The following BAIAP3 variants were observed in gnomAD, a reference collection of about 807,000 sequenced individuals.
BAIAP3 encodes BAI1 associated protein 3.
Under a neutral mutation model 149.7 loss-of-function variants are expected in BAIAP3, and 180 were observed. The ratio of observed to expected loss-of-function variants is 1.20; its 90% CI spans 1.07 to 1.36. The LOEUF (loss-of-function observed/expected upper bound fraction) is 1.36. Ranked by LOEUF, BAIAP3 falls within the 40% of genes most tolerant of loss-of-function variation. The pLI is 0.00. For synonymous variants in BAIAP3, 845 were observed against 670.7 expected, an observed-to-expected ratio of 1.26 and a Z score of -4.02; for missense variants, 1,767 against 1,563.4, an observed-to-expected ratio of 1.13 and a Z score of -2.20.
chr16:1,339,599 A>G lies in BAIAP3; in HGVS notation c.404A>G (p.Gln135Arg). The G allele has an allele frequency of 6.2e-7, 1 of 1,610,892 alleles. No homozygotes were observed. The highest frequency in any genetic ancestry group is 8.5e-7 in the Non-Finnish European group (1 of 1,179,104). Reference sequence around the variant, plus strand: ...GAGGAGGCCCTGCTCAGCTATCTCCAGCAGGTCAGCCCACCCTGACCCCGA... The same window carrying G: ...GAGGAGGCCCTGCTCAGCTATCTCCGGCAGGTCAGCCCACCCTGACCCCGA... ...DDEEALLSYL[Q>R]QVFGTSLEEH... Residue 135 changes from glutamine (Q) to arginine (R), a missense_variant, in exon 5 of 34, where the codon CAG (glutamine) becomes CGG (arginine). Gln to Arg is a conservative substitution (Grantham distance 43). Coordinates refer to ENST00000426824, the MANE Select transcript of BAIAP3 (RefSeq NM_001199097.2).
intron 9 of BAIAP3, 57 bp from the exon 10 acceptor site, chr16:1,341,929 G>A (rs1318294375): frequency 1.3e-6 from 2 of 1,591,080 alleles, no homozygotes; most frequent in Non-Finnish European, 1.7e-6. Context: ...GAGCAGGACG[G>A]ACTCAGGGCC....
rs772185084 is a variant in BAIAP3, at chr16:1,344,517, C to T, written c.1651C>T (p.Arg551Ter). The T allele has an allele frequency of 8.7e-6, 14 of 1,612,852 alleles. No homozygotes were observed. The highest frequency in any genetic ancestry group is 1.6e-4 in the Middle Eastern group (1 of 6,084). Residue 551 changes from arginine (R) to a stop codon, truncating the protein, a stop_gained, in exon 18 of 34, where the codon CGA becomes TGA. Transcript: ENST00000426824. LOFTEE classifies it high-confidence loss of function. ...YDRILNDKSPREQPGPQRLPG... is the reference protein window; with the variant it reads ...YDRILNDKSP ...CAGGATCCTGAATGACAAGAGTCCCCGAGAGCAGGTGCAGTTGTGGGGGAC... is the reference window on the plus strand; with the variant it reads ...CAGGATCCTGAATGACAAGAGTCCCTGAGAGCAGGTGCAGTTGTGGGGGAC...
rs140017056 is a variant in BAIAP3 at position 1,344,666 on chromosome 16, C to T, written c.1725C>T (p.Phe575=). ...LADAVYDDLQ[F]CYSVYASLFH... ...ACGCCGTCTATGATGACCTTCAGTT[C>T]TGCTACAGTGTGTACGCCAGCCTCT... Residue 575 remains phenylalanine (F), a synonymous_variant, in exon 19 of 34, where the codon TTC becomes TTT. Transcript: ENST00000426824. 28 of 1,613,392 alleles carry T rather than the reference C, an allele frequency of 1.7e-5. No homozygotes were observed. The African/African-American group carries it at 3.7e-4, about 22-fold the overall frequency.
intron 1 of BAIAP3, chr16:1,336,207 G>A (rs566239793): frequency 1.0e-6 from 1 of 985,258 alleles, no homozygotes; most frequent in Admixed American, 6.1e-5. Context: ...ACTGGCTTCG[G>A]GGGACAGCAG....
intron 26 of BAIAP3, 46 bp from the exon 27 acceptor site, chr16:1,346,559 G>A (rs772580061): frequency 1.3e-6 from 2 of 1,580,036 alleles, no homozygotes; most frequent in Admixed American, 1.8e-5. Flanking sequence ...ACTGGGGGTA[G>A]GGCAGAGGTG....
intron 16 of BAIAP3, 29 bp downstream of exon 16, chr16:1,344,175 G>A (rs750840200): frequency 6.2e-7 from 1 of 1,612,248 alleles, no homozygotes; most frequent in South Asian, 1.1e-5. Context: ...GTCAGCGTGG[G>A]TGGGGGCGGC....
At chr16:1,338,863 C>A (rs368521574) in intron 2 of BAIAP3, 39 bp from the exon 3 acceptor site, 2 of 1,609,596 alleles carry the variant, frequency 1.2e-6, no homozygotes, top group African/African-American at 1.3e-5. Context: ...CAGGGGCCAG[C>A]GTGCTGAGAG....
intron 5 of BAIAP3, 147 bp from the exon 6 acceptor site, chr16:1,340,775 G>A (rs908869061): frequency 2.3e-5 from 19 of 825,196 alleles, no homozygotes; most frequent in Non-Finnish European, 3.3e-5. Flanking sequence ...CAAACCCTCT[G>A]CCGCTGCCTC....
At chr16:1,345,454 CCAGCAACCCCCAGCCTCCT>C (rs2034261155) in intron 22 of BAIAP3, 82 bp downstream of exon 22, 6 of 1,438,220 alleles carry the variant, frequency 4.2e-6, no homozygotes, top group South Asian at 2.7e-5. Flanking sequence ...CCCAGCCTCC[CCAGCAACCCCCAGCCTCCT>C]CCGCCTCCCC....
Position 1,342,893 on chromosome 16 carries a change from C to G in BAIAP3, c.1162-20C>G. Reference sequence around the variant, plus strand: ...TGTGGGGCTGTCCCGCCTCCACCCACGACAGACCTCCTCCCCCAGCCCAAC... The same window carrying G: ...TGTGGGGCTGTCCCGCCTCCACCCAGGACAGACCTCCTCCCCCAGCCCAAC... On this transcript the variant is annotated intron_variant, in intron 13 of 33. Coordinates refer to ENST00000426824, the MANE Select transcript of BAIAP3 (RefSeq NM_001199097.2). 6.2e-7 allele frequency: 1 copy of G among 1,612,162 alleles called. No homozygotes were observed. The highest frequency in any genetic ancestry group is 8.5e-7 in the Non-Finnish European group (1 of 1,179,894).
At position 1,346,510 on chromosome 16, in the gene BAIAP3, G is replaced by C. The variant is rs2034376959; in HGVS notation, c.2562G>C (p.Glu854Asp). ...CGCCTGACTCCATCCAGAACGATGA[G>C]GTGAGTGCCGGGGCGAGGGGCCGTG... Reference protein sequence around the residue: ...SLSPDSIQNDEAVAPLMKYLD... With the variant: ...SLSPDSIQNDDAVAPLMKYLD... The change falls in exon 26 of 34, where the codon GAG becomes GAC. Residue 854 changes from glutamate to aspartate, a missense_variant and splice_region_variant. By Grantham distance (45) the Glu-to-Asp change is conservative. Coordinates refer to ENST00000426824, the MANE Select transcript of BAIAP3 (RefSeq NM_001199097.2). 1 of 1,609,786 alleles carries C rather than the reference G, an allele frequency of 6.2e-7. No individual in the cohort carries two copies. The highest frequency in any genetic ancestry group is 1.3e-5 in the African/African-American group (1 of 74,900).
At chr16:1,347,866 AGGGGG>A in intron 31 of BAIAP3, 23 bp from the exon 32 acceptor site, 1 of 1,493,544 alleles carries the variant, frequency 6.7e-7, no homozygotes, top group Non-Finnish European at 9.1e-7. Flanking sequence ...GGATGGGGGC[AGGGGG>A]GCTCACGACT....
At chr16:1,340,768 A>G (rs1596568543) in intron 5 of BAIAP3, among the ~76,000 whole-genome samples, 154 bp from the exon 6 acceptor site, 1 of 152,118 alleles carries the variant, frequency 6.6e-6, no homozygotes, top group African/African-American at 2.4e-5. Flanking sequence ...CTTGGCACAA[A>G]CCCTCTGCCG....
chr16:1,342,164 C>T lies in BAIAP3; in HGVS notation c.855-17C>T. Reference sequence around the variant, plus strand: ...CCAGGAGCCATCAGCGTGATGCTCACCACCTGTGGTGGCCAGGTACTTCAA... The same window carrying T: ...CCAGGAGCCATCAGCGTGATGCTCATCACCTGTGGTGGCCAGGTACTTCAA... On this transcript the variant is annotated splice_polypyrimidine_tract_variant and intron_variant, in intron 10 of 33. Coordinates refer to ENST00000426824, the MANE Select transcript of BAIAP3 (RefSeq NM_001199097.2). 1 of 1,589,788 alleles carries T rather than the reference C, an allele frequency of 6.3e-7. No individual in the cohort carries two copies. Among genetic ancestry groups the T allele is most frequent in the East Asian group, 2.2e-5 (1 of 44,478 alleles).
rs2034415601 is a variant in BAIAP3 at position 1,346,909 on chromosome 16, G to GT, written c.2706dup (p.Asp903Ter). 3 of 1,611,190 alleles carry GT rather than the reference G, an allele frequency of 1.9e-6. No individual in the cohort carries two copies. The highest frequency in any genetic ancestry group is 3.3e-5 in the Admixed American group (2 of 59,928). ...ATTCTGCAGGCGCTGGGTGCAAACC[G>GT]TGACGTCTCTGCTGATTTCTACAGC... On this transcript the variant is annotated frameshift_variant, in exon 28 of 34. Coordinates refer to ENST00000426824, the MANE Select transcript of BAIAP3 (RefSeq NM_001199097.2). LOFTEE classifies it high-confidence loss of function.
chr16:1,342,691 TGGTGACTG>T lies in BAIAP3; in HGVS notation c.1066-23_1066-16del. Reference sequence around the variant, plus strand: ...CCCGTCCTTGGGGCGGGGGCAGAGCTGGTGACTGGGTGGGCTCTGCGTTGCAGAGGGAT... The same window carrying T: ...CCCGTCCTTGGGGCGGGGGCAGAGCTGGTGGGCTCTGCGTTGCAGAGGGAT... On this transcript the variant is annotated intron_variant, in intron 12 of 33. Coordinates refer to ENST00000426824, the MANE Select transcript of BAIAP3 (RefSeq NM_001199097.2). 1 of 1,611,874 alleles carries T rather than the reference TGGTGACTG, an allele frequency of 6.2e-7. No individual in the cohort carries two copies.
Position 1,347,076 on chromosome 16 carries a change from G to A in BAIAP3, c.2751+121G>A, listed in dbSNP as rs1046990058. 4.0e-6 allele frequency: 4 copies of A among 996,866 alleles called. No homozygotes were observed. In the African/African-American group the frequency reaches 4.8e-5, roughly 12 times the overall value. The allele number at this position is 996,866 out of a possible 1,614,324, so 61.8% of individuals were successfully genotyped here. A position where few individuals can be genotyped will look rare whatever the true frequency, so the allele number is the denominator to read the frequency against. On this transcript the variant is annotated intron_variant, in intron 28 of 33. Coordinates refer to ENST00000426824, the MANE Select transcript of BAIAP3 (RefSeq NM_001199097.2). The stretch of plus-strand genomic sequence containing the variant: ...GCTGGAGAGCAGCCACTCCAGGGCT[G>A]TCCACAGCGCCTCCTCCCGTTAATG...
rs142934795 is a variant in BAIAP3 at position 1,334,551 on chromosome 16, GC to G, written c.-11+803del. On this transcript the variant is annotated intron_variant, in intron 1 of 33. Transcript: ENST00000426824. ...AAGGCGCCTCGGGCTCCGGTCTCCT[GC>G]GCTCCTGCTGGGCGCCAGCGGCTGG... The G allele has an allele frequency of 2.7e-3, 2,730 of 1,008,328 alleles. 43 individuals are homozygous for G. In the African/African-American group the frequency reaches 0.038, roughly 14 times the overall value. The allele number at this position is 1,008,328 out of a possible 1,614,324, so 62.5% of individuals were successfully genotyped here.
intron 1 of BAIAP3, 148 bp from the exon 2 acceptor site, chr16:1,338,392 C>A: frequency 9.6e-7 from 1 of 1,040,392 alleles, no homozygotes; most frequent in Non-Finnish European, 1.4e-6. Context: ...ACCGCCTGAC[C>A]AGGTGCCCAG....
Sources: allele counts gnomAD v4.1 joint callset (sites outside exome capture counted in the v4.1 genomes callset), GRCh38; gene constraint gnomAD v4.1.1; transcripts MANE v1.5; gene names NCBI Gene and HGNC (gene_info 2026-07-23, HGNC 2026-07-21).